Variants in NQO2 observed in about 807,000 individuals in gnomAD.
The protein encoded by NQO2 is ribosyldihydronicotinamide dehydrogenase [quinone].
NQO2 carries 18 observed loss-of-function variants against 22.0 expected under a neutral mutation model. The ratio of observed to expected loss-of-function variants is 0.82; its 90% CI spans 0.56 to 1.21. NQO2 has a LOEUF of 1.21. NQO2 is among the 50% of genes most tolerant of loss of function. The pLI is 0.00. For missense variants in NQO2, 267 were observed against 286.9 expected, an observed-to-expected ratio of 0.93 and a Z score of 0.50; for synonymous variants, 106 against 110.8, an observed-to-expected ratio of 0.96 and a Z score of 0.28.
intron 2 of NQO2, among the ~76,000 whole-genome samples, chr6:3,009,563 G>A (rs553345562): frequency 6.6e-6 from 1 of 152,244 alleles, no homozygotes; most frequent in Admixed American, 6.5e-5. Context: ...AGTGATAACT[G>A]TCCATGAAAT....
chr6:3,015,781 C>G (rs2113460836), intron 5 of NQO2, 138 bp downstream of exon 5: 3 of 798,202 alleles, frequency 3.8e-6, no homozygotes, highest in Non-Finnish European at 5.9e-6. Context: ...TACAAAGCAC[C>G]ATGTGCTGCA....
Position 3,009,106 on chromosome 6 carries a change from G to A in NQO2, c.8-919G>A, listed in dbSNP as rs538809150. On this transcript the variant is annotated intron_variant, in intron 2 of 6. Transcript: ENST00000380455. ...TCCTTGTCTTAATAAGCCTGGGAGC[G>A]CTACGGGAGACTGGGGCTTATTTCA... 1.7e-4 allele frequency among the ~76,000 whole-genome samples: 26 copies of A among 152,258 alleles called. No homozygotes were observed. The South Asian group carries it at 1.9e-3, about 11-fold the overall frequency.
At chr6:3,014,573 A>G (rs1490216708) in intron 4 of NQO2, among the ~76,000 whole-genome samples, 3 of 152,144 alleles carry the variant, frequency 2.0e-5, no homozygotes, top group African/African-American at 7.2e-5. Context: ...TGGCCTTTCT[A>G]TAATGGCCTT....
In NQO2 at chr6:3,004,621, C is replaced by T. The variant is rs565470498; in HGVS notation, c.-85-1847C>T. The T allele has an allele frequency of 1.3e-4, 130 of 985,496 alleles. No homozygotes were observed. In the South Asian group the frequency reaches 5.1e-3, roughly 39 times the overall value. The allele number at this position is 985,496 out of a possible 1,614,324, so 61.0% of individuals were successfully genotyped here. ...TAAGGAGTGGGCCCTGGAAGATGCT[C>T]ATTCAGGCCCTGCTCAAGATTCCAG... On this transcript the variant is annotated intron_variant, in intron 1 of 6. Transcript: ENST00000380455.
rs1451664034 is a variant in NQO2, at chr6:3,013,895, C to T, written c.303+1221C>T. 2.6e-5 allele frequency among the ~76,000 whole-genome samples: 4 copies of T among 152,330 alleles called. No homozygotes were observed. The South Asian group carries it at 6.2e-4, about 24-fold the overall frequency. On this transcript the variant is annotated intron_variant, in intron 4 of 6. Coordinates refer to ENST00000380455, the MANE Select transcript of NQO2 (RefSeq NM_000904.6). The stretch of plus-strand genomic sequence containing the variant: ...CCAAGGACAGAGCTGTAGCTGCTCT[C>T]GTCCACAGATTCCCATCTGCTCCTT...
intron 1 of NQO2, chr6:3,005,771 A>G (rs1756931002): frequency 1.0e-6 from 1 of 985,236 alleles, no homozygotes; most frequent in Non-Finnish European, 1.2e-6. Flanking sequence ...TGTGCCAGCC[A>G]CCGCACATAG....
At chr6:3,017,152 C>A (rs149368870) in intron 6 of NQO2, among the ~76,000 whole-genome samples, 167 bp downstream of exon 6, 23 of 152,182 alleles carry the variant, frequency 1.5e-4, no homozygotes, top group Non-Finnish European at 3.1e-4. Flanking sequence ...TTTTGACTCC[C>A]CTGGATACAA....
Position 3,012,532 on chromosome 6 carries a change from C to G in NQO2, c.173-12C>G. 1 of 1,613,988 alleles carries G rather than the reference C, an allele frequency of 6.2e-7. No individual in the cohort carries two copies. The highest frequency in any genetic ancestry group is 8.5e-7 in the Non-Finnish European group (1 of 1,179,958). The stretch of plus-strand genomic sequence containing the variant: ...ACCTAGGAGTGAGAATGTTTGGCCT[C>G]TTCCCCGACAGGTACTCTTTCTAAT... On this transcript the variant is annotated splice_polypyrimidine_tract_variant and intron_variant, in intron 3 of 6. Coordinates refer to ENST00000380455, the MANE Select transcript of NQO2 (RefSeq NM_000904.6).
In NQO2 at chr6:3,010,155, C is replaced by T. The variant is rs750074563; in HGVS notation, c.138C>T (p.Asn46=). ...TVTVSDLYAM[N]LEPRATDKDI... ...CAGTGTCTGATTTGTATGCCATGAA[C>T]CTTGAGCCGAGGGCCACAGACAAAG... Residue 46 remains asparagine (N), a synonymous_variant, in exon 3 of 7, where the codon AAC becomes AAT. Transcript: ENST00000380455. 2 of 1,613,582 alleles carry T rather than the reference C, an allele frequency of 1.2e-6. No individual in the cohort carries two copies. Among genetic ancestry groups the T allele is most frequent in the Non-Finnish European group, 1.7e-6 (2 of 1,179,718 alleles).
chr6:3,002,307 C>G, intron 1 of NQO2: 1 of 880,030 alleles, frequency 1.1e-6, no homozygotes, highest in Non-Finnish European at 1.4e-6. Flanking sequence ...TCATATCACT[C>G]TATTTTCTTT....
At chr6:3,013,167 G>T (rs565646544) in intron 4 of NQO2, among the ~76,000 whole-genome samples, 14 of 151,918 alleles carry the variant, frequency 9.2e-5, no homozygotes, top group Admixed American at 6.6e-4. Context: ...GTGTTAGCCA[G>T]GATGGTCTCG....
intron 2 of NQO2, among the ~76,000 whole-genome samples, chr6:3,007,093 T>C (rs1169828936): frequency 6.6e-6 from 1 of 152,222 alleles, no homozygotes; most frequent in Non-Finnish European, 1.5e-5. Context: ...CTATACATTA[T>C]GGTGTAGATT....
At chr6:3,018,953 G>T (rs1199952030) in intron 6 of NQO2, among the ~76,000 whole-genome samples, 1 of 150,342 alleles carries the variant, frequency 6.7e-6, no homozygotes, top group Non-Finnish European at 1.5e-5. Context: ...ACTTTAAATG[G>T]TTTGATTTAT....
chr6:3,016,952 T>C lies in NQO2; in HGVS notation c.486T>C (p.Asn162=). Residue 162 remains asparagine (N), a synonymous_variant, in exon 6 of 7, where the codon AAT becomes AAC. Transcript: ENST00000380455. ...TAEMYTKTGV[N]GDSRYFLWPL... is the part of the protein sequence containing the mutation. The stretch of plus-strand genomic sequence containing the variant: ...AGATGTACACGAAGACAGGAGTCAA[T>C]GGAGATTCTCGATACTTCCTGTGGC... The C allele has an allele frequency of 1.2e-6, 2 of 1,614,038 alleles. No individual in the cohort carries two copies. Among genetic ancestry groups the C allele is most frequent in the African/African-American group, 1.3e-5 (1 of 75,038 alleles).
In NQO2 at chr6:3,010,095, T is replaced by G. The variant is rs1323003528; in HGVS notation, c.78T>G (p.Ala26=). Residue 26 remains alanine, a synonymous_variant, in exon 3 of 7, where the codon GCT becomes GCG. Transcript: ENST00000380455. ...KSFNGSLKNV[A]VDELSRQGCT... is the part of the protein sequence containing the mutation. ...TCAACGGATCCTTGAAGAATGTGGCTGTAGATGAACTGAGCAGGCAGGGCT... is the reference window on the plus strand; with the variant it reads ...TCAACGGATCCTTGAAGAATGTGGCGGTAGATGAACTGAGCAGGCAGGGCT... The G allele has an allele frequency of 6.2e-7, 1 of 1,614,126 alleles. No individual in the cohort carries two copies. The highest frequency in any genetic ancestry group is 2.2e-5 in the East Asian group (1 of 44,864).
At chr6:3,007,393 A>C (rs911346964) in intron 2 of NQO2, among the ~76,000 whole-genome samples, 1 of 152,190 alleles carries the variant, frequency 6.6e-6, no homozygotes, top group African/African-American at 2.4e-5. Flanking sequence ...TTGAAACAAG[A>C]GTCTGAGAAA....
chr6:3,015,115 C>T, intron 4 of NQO2: 1 of 1,294,884 alleles, frequency 7.7e-7, no homozygotes, highest in Non-Finnish European at 1.0e-6. Flanking sequence ...TCCATAGATG[C>T]TCAGCACCGA....
intron 6 of NQO2, 100 bp downstream of exon 6, chr6:3,017,085 C>A: frequency 7.4e-7 from 1 of 1,356,712 alleles, no homozygotes; most frequent in Non-Finnish European, 1.0e-6. Context: ...CACATACATG[C>A]CCTCAGCTCC....
At position 3,005,294 on chromosome 6, in the gene NQO2, C is replaced by T. The variant is rs531657010; in HGVS notation, c.-85-1174C>T. The stretch of plus-strand genomic sequence containing the variant: ...AATTGCTGAGTCATATGTTAATTCT[C>T]ATTTTTCTAATTGTAATTTTTGGGG... On this transcript the variant is annotated intron_variant, in intron 1 of 6. Coordinates refer to ENST00000380455, the MANE Select transcript of NQO2 (RefSeq NM_000904.6). Among the ~76,000 whole-genome samples, 5 of 152,280 alleles carry T rather than the reference C, an allele frequency of 3.3e-5. No individual in the cohort carries two copies. In the South Asian group the frequency reaches 1.0e-3, roughly 32 times the overall value.
Sources: allele counts gnomAD v4.1 joint callset (sites outside exome capture counted in the v4.1 genomes callset), GRCh38; gene constraint gnomAD v4.1.1; transcripts MANE v1.5; gene names NCBI Gene and HGNC (gene_info 2026-07-23, HGNC 2026-07-21).